Variants in DTL observed in about 807,000 individuals in gnomAD.
DTL encodes the protein denticleless E3 ubiquitin protein ligase adapter.
Under a neutral mutation model 87.0 loss-of-function variants are expected in DTL, and 46 were observed. The ratio of observed to expected loss-of-function variants is 0.53; its 90% CI spans 0.42 to 0.68. DTL has a LOEUF of 0.68. Among genes scored for constraint, DTL ranks in the 30% least tolerant of loss-of-function variants. The pLI is 0.00. For missense variants in DTL, 737 were observed against 869.4 expected, an observed-to-expected ratio of 0.85 and a Z score of 1.91; for synonymous variants, 308 against 311.2, an observed-to-expected ratio of 0.99 and a Z score of 0.11.
At chr1:212,086,169 G>C (rs960426724) in intron 13 of DTL, among the ~76,000 whole-genome samples, 1 of 152,160 alleles carries the variant, frequency 6.6e-6, no homozygotes, top group African/African-American at 2.4e-5. Context: ...ATTTTGATAG[G>C]AATTGCAGTG....
At chr1:212,049,901 C>G (rs1014437481) in intron 5 of DTL, among the ~76,000 whole-genome samples, 2 of 151,070 alleles carry the variant, frequency 1.3e-5, no homozygotes, top group African/African-American at 2.4e-5. Flanking sequence ...TTAATCTGAG[C>G]TCATTATGGT....
At chr1:212,046,535 T>TA (rs200770106) in intron 3 of DTL, among the ~76,000 whole-genome samples, 4,194 of 152,268 alleles carry the variant, frequency 0.028, 147 homozygotes, top group East Asian at 0.12. Context: ...AGTGAGAACA[T>TA]ACGGTGTTTG....
Position 212,077,023 on chromosome 1 carries a change from G to A in DTL, c.1036-1150G>A, listed in dbSNP as rs115787838. Among the ~76,000 whole-genome samples the A allele has an allele frequency of 3.1e-3, 465 of 152,252 alleles. 3 individuals are homozygous for A. Among genetic ancestry groups the A allele is most frequent in the South Asian group, 0.014 (70 of 4,828 alleles). On this transcript the variant is annotated intron_variant, in intron 11 of 14. Coordinates refer to ENST00000366991, the MANE Select transcript of DTL (RefSeq NM_016448.4). ...TTGAGTTGAATAACCTTATCAGTCAGTGTGTCAGATCTCTTAACCATAATC... is the reference window on the plus strand; with the variant it reads ...TTGAGTTGAATAACCTTATCAGTCAATGTGTCAGATCTCTTAACCATAATC...
Position 212,104,395 on chromosome 1 carries a change from G to C in DTL, c.*1455G>C. The C allele has an allele frequency of 6.6e-6, 1 of 152,242 alleles. No homozygotes were observed. Among genetic ancestry groups the C allele is most frequent in the Admixed American group, 6.5e-5 (1 of 15,280 alleles). The allele number at this position is 152,242 out of a possible 1,614,324, so 9.4% of individuals were successfully genotyped here. On this transcript the variant is annotated 3_prime_UTR_variant, in exon 15 of 15. Coordinates refer to ENST00000366991, the MANE Select transcript of DTL (RefSeq NM_016448.4). ...TTTTATCCAGGGAGAAAAATAAAAG[G>C]AAGCCATAGAATTGCTCTGGTCAAA...
rs138362297 is a variant in DTL at position 212,068,920 on chromosome 1, A to G, written c.922+217A>G. 3.0e-4 allele frequency among the ~76,000 whole-genome samples: 46 copies of G among 152,346 alleles called. No individual in the cohort carries two copies. In the East Asian group the frequency reaches 8.5e-3, roughly 28 times the overall value. ...GTGCTTTACATGGTGACTTTATTTTAATAGAGAGTATCTCCTGAAATTATG... is the reference window on the plus strand; with the variant it reads ...GTGCTTTACATGGTGACTTTATTTTGATAGAGAGTATCTCCTGAAATTATG... On this transcript the variant is annotated intron_variant, in intron 10 of 14. Transcript: ENST00000366991.
intron 5 of DTL, among the ~76,000 whole-genome samples, chr1:212,060,547 G>A (rs1571954321): frequency 6.6e-6 from 1 of 151,992 alleles, no homozygotes; most frequent in African/African-American, 2.4e-5. Flanking sequence ...ACCAGCCTGG[G>A]CAACATGGCA....
intron 13 of DTL, 47 bp from the exon 14 acceptor site, chr1:212,100,205 T>C (rs780147677): frequency 2.8e-6 from 4 of 1,422,026 alleles, no homozygotes; most frequent in Non-Finnish European, 3.8e-6. Context: ...TTAGGGACTT[T>C]GTATGGCTTT....
At chr1:212,101,284 A>G (rs1372214929) in intron 14 of DTL, among the ~76,000 whole-genome samples, 200 bp downstream of exon 14, 1 of 152,000 alleles carries the variant, frequency 6.6e-6, no homozygotes, top group Non-Finnish European at 1.5e-5. Flanking sequence ...CTAAGAAACT[A>G]TTTTTGTTTG....
intron 13 of DTL, among the ~76,000 whole-genome samples, chr1:212,088,888 A>T (rs1287878977): frequency 1.3e-5 from 2 of 152,194 alleles, no homozygotes; most frequent in African/African-American, 2.4e-5. Flanking sequence ...GGAGTTCGGG[A>T]CTAGTCTTGC....
chr1:212,073,983 T>G (rs1654756359), intron 11 of DTL, among the ~76,000 whole-genome samples: 1 of 152,056 alleles, frequency 6.6e-6, no homozygotes, highest in South Asian at 2.1e-4. Context: ...CCACTTTGGC[T>G]CCCAACTTAA....
chr1:212,037,419 C>G (rs1667515468), intron 1 of DTL, among the ~76,000 whole-genome samples: 1 of 152,166 alleles, frequency 6.6e-6, no homozygotes, highest in Middle Eastern at 3.2e-3. Context: ...ACAGCCACAA[C>G]CAGGGCTTCT....
intron 5 of DTL, among the ~76,000 whole-genome samples, chr1:212,054,007 A>G (rs766383611): frequency 1.3e-5 from 2 of 152,184 alleles, no homozygotes; most frequent in African/African-American, 4.8e-5. Context: ...AGATTCTGTT[A>G]TATTGCTTAG....
intron 13 of DTL, 85 bp from the exon 14 acceptor site, chr1:212,100,167 G>T (rs1350192788): frequency 9.7e-7 from 1 of 1,031,868 alleles, no homozygotes; most frequent in Non-Finnish European, 1.4e-6. Context: ...AGATGATTAG[G>T]TTAGCTATGA....
rs1210899860 is a variant in DTL, at chr1:212,103,257, C to T, written c.*317C>T. The stretch of plus-strand genomic sequence containing the variant: ...TCTCTATAATAATGACATCCCAGTT[C>T]ATGGAGGCAAAAAACAAGTTTCTTG... On this transcript the variant is annotated 3_prime_UTR_variant, in exon 15 of 15. Coordinates refer to ENST00000366991, the MANE Select transcript of DTL (RefSeq NM_016448.4). 1 of 162,086 alleles carries T rather than the reference C, an allele frequency of 6.2e-6. No homozygotes were observed. 10.0% of individuals were successfully genotyped at this position (162,086 alleles called of 1,614,324 possible).
intron 5 of DTL, among the ~76,000 whole-genome samples, chr1:212,054,012 G>A (rs1571948863): frequency 6.6e-6 from 1 of 152,106 alleles, no homozygotes; most frequent in African/African-American, 2.4e-5. Flanking sequence ...CTGTTATATT[G>A]CTTAGAAAAG....
chr1:212,048,705 A>AT lies in DTL; in HGVS notation c.460+1296dup, dbSNP rs556953814. Among the ~76,000 whole-genome samples, 11 of 151,572 alleles carry AT rather than the reference A, an allele frequency of 7.3e-5. No individual in the cohort carries two copies. The East Asian group carries it at 9.6e-4, about 13-fold the overall frequency. ...CCTTCCATTTGTTTCTCACTAAATA[A>AT]TTTTTTTTAAATGGACCAACAAACA... is the stretch of plus-strand genomic sequence containing the variant. On this transcript the variant is annotated intron_variant, in intron 5 of 14. Transcript: ENST00000366991.
chr1:212,058,045 A>T (rs1292317111), intron 5 of DTL, among the ~76,000 whole-genome samples: 1 of 152,164 alleles, frequency 6.6e-6, no homozygotes, highest in Non-Finnish European at 1.5e-5. Flanking sequence ...ACATGTATAT[A>T]CCTAACACTG....
intron 5 of DTL, among the ~76,000 whole-genome samples, chr1:212,055,406 C>G (rs1016310216): frequency 6.6e-6 from 1 of 152,144 alleles, no homozygotes; most frequent in East Asian, 1.9e-4. Context: ...GTCCCACAAA[C>G]CCTCAAGTCC....
At chr1:212,036,384 A>G (rs996568913) in intron 1 of DTL, among the ~76,000 whole-genome samples, 1 of 152,190 alleles carries the variant, frequency 6.6e-6, no homozygotes, top group Non-Finnish European at 1.5e-5. Context: ...CCCGCTGTTA[A>G]GGAACTCAGT....
Sources: allele counts gnomAD v4.1 joint callset (sites outside exome capture counted in the v4.1 genomes callset), GRCh38; gene constraint gnomAD v4.1.1; transcripts MANE v1.5; gene names NCBI Gene and HGNC (gene_info 2026-07-23, HGNC 2026-07-21).